The following PLD1 variants were observed in gnomAD, a reference collection of about 807,000 sequenced individuals.
PLD1 encodes the protein choline phosphatase 1.
PLD1 carries 112 observed loss-of-function variants against 137.1 expected under a neutral mutation model. The ratio of observed to expected loss-of-function variants is 0.82; its 90% CI spans 0.70 to 0.96. The LOEUF is 0.96. PLD1 is among the 40% of genes least tolerant of loss of function. The pLI, the probability that PLD1 is intolerant of heterozygous loss-of-function variation, is 0.00. For synonymous variants in PLD1, 431 were observed against 454.7 expected (o/e 0.95, Z 0.66); for missense variants, 1,321 against 1,342.0 (o/e 0.98, Z 0.24).
chr3:171,677,843 G>A, intron 16 of PLD1, 149 bp from the exon 17 acceptor site: 1 of 671,894 alleles, frequency 1.5e-6, no homozygotes, highest in Non-Finnish European at 2.4e-6. Flanking sequence ...TACAGGCTGT[G>A]GGCTAACAAG....
chr3:171,690,700 T>C (rs1715071259), intron 13 of PLD1, among the ~76,000 whole-genome samples: 2 of 152,318 alleles, frequency 1.3e-5, no homozygotes, highest in Admixed American at 6.5e-5. Context: ...GTCAGACAGA[T>C]GTTTGTATAT....
intron 1 of PLD1, among the ~76,000 whole-genome samples, chr3:171,780,155 C>T (rs1259765654): frequency 7.5e-6 from 1 of 132,898 alleles, no homozygotes; most frequent in Non-Finnish European, 1.5e-5. Flanking sequence ...AGATTCAGGA[C>T]TGGGGTTTAG....
rs1354808267 is a variant in PLD1 at position 171,600,551 on chromosome 3, AG to A, written c.*2526del. ...TTAAAGATAAATTATTTGAACTTCTAGTAGGTAGTAATGGTGTCAGAGAATG... is the reference window on the plus strand; with the variant it reads ...TTAAAGATAAATTATTTGAACTTCTATAGGTAGTAATGGTGTCAGAGAATG... On this transcript the variant is annotated 3_prime_UTR_variant, in exon 27 of 27. Transcript: ENST00000351298. 4.6e-5 allele frequency: 7 copies of A among 152,128 alleles called. No individual in the cohort carries two copies. The highest frequency in any genetic ancestry group is 1.7e-4 in the African/African-American group (7 of 41,438). The allele number at this position is 152,128 out of a possible 1,614,324, so 9.4% of individuals were successfully genotyped here.
chr3:171,602,875 T>C lies in PLD1; in HGVS notation c.*203A>G. 1.7e-6 allele frequency: 1 copy of C among 578,934 alleles called. No homozygotes were observed. The highest frequency in any genetic ancestry group is 3.0e-5 in the Admixed American group (1 of 32,860). 35.9% of individuals were successfully genotyped at this position (578,934 alleles called of 1,614,324 possible). A position where few individuals can be genotyped will look rare whatever the true frequency, so the allele number is the denominator to read the frequency against. ...AGAATGCAGCCCCCTTTTTACAAGT[T>C]AGGCAGAAGGAATTATAAAGTCTTG... On this transcript the variant is annotated 3_prime_UTR_variant, in exon 27 of 27. Transcript: ENST00000351298.
intron 1 of PLD1, among the ~76,000 whole-genome samples, chr3:171,774,846 T>C (rs1026554823): frequency 9.9e-5 from 15 of 152,084 alleles, no homozygotes; most frequent in Admixed American, 6.6e-4. Context: ...GCCAAGGAGT[T>C]CACTGAGGGA....
chr3:171,752,788 A>G (rs909914142), intron 1 of PLD1, among the ~76,000 whole-genome samples: 6 of 152,240 alleles, frequency 3.9e-5, no homozygotes, highest in African/African-American at 9.6e-5. Context: ...ATGCAACTCA[A>G]TTCAATTCAA....
chr3:171,720,197 G>A (rs749313713), intron 8 of PLD1, among the ~76,000 whole-genome samples: 1 of 151,376 alleles, frequency 6.6e-6, no homozygotes, highest in Non-Finnish European at 1.5e-5. Context: ...AGGGGGCTGA[G>A]GTGGGAGGAT....
At chr3:171,766,137 G>C (rs1721962112) in intron 1 of PLD1, among the ~76,000 whole-genome samples, 1 of 151,996 alleles carries the variant, frequency 6.6e-6, no homozygotes, top group African/African-American at 2.4e-5. Context: ...TTATAAAAAT[G>C]ATAAATTCTC....
intron 1 of PLD1, chr3:171,792,282 C>T: frequency 4.0e-6 from 1 of 251,894 alleles, no homozygotes; most frequent in Non-Finnish European, 7.9e-6. Context: ...TCTCACAGCC[C>T]AGCCACATAT....
chr3:171,730,859 G>A (rs947540729), intron 6 of PLD1, among the ~76,000 whole-genome samples: 6 of 152,098 alleles, frequency 3.9e-5, no homozygotes, highest in African/African-American at 1.4e-4. Flanking sequence ...GGCTGGTCTC[G>A]AACTCCTGAC....
At chr3:171,760,541 T>C (rs1177562175) in intron 1 of PLD1, among the ~76,000 whole-genome samples, 4 of 152,200 alleles carry the variant, frequency 2.6e-5, no homozygotes, top group African/African-American at 4.8e-5. Flanking sequence ...ACCTAGGATT[T>C]TACAATGATG....
chr3:171,799,337 TAAAAAAAA>T (rs758379833), intron 1 of PLD1, among the ~76,000 whole-genome samples: 184 of 57,902 alleles, frequency 3.2e-3, no homozygotes, highest in Middle Eastern at 0.03. Flanking sequence ...AGACTCCGTC[TAAAAAAAA>T]AAAAAAAAAA....
chr3:171,647,860 C>CCA (rs1736397489), intron 21 of PLD1, among the ~76,000 whole-genome samples: 1 of 151,940 alleles, frequency 6.6e-6, no homozygotes, highest in South Asian at 2.1e-4. Flanking sequence ...CGGTGACTAT[C>CCA]CAGTCATAAC....
At chr3:171,640,937 T>G (rs1435471552) in intron 23 of PLD1, among the ~76,000 whole-genome samples, 1 of 152,258 alleles carries the variant, frequency 6.6e-6, no homozygotes, top group Non-Finnish European at 1.5e-5. Context: ...GCTGATTGTT[T>G]TTGATAAATA....
chr3:171,716,327 A>G (rs1275296599), intron 8 of PLD1, among the ~76,000 whole-genome samples: 1 of 152,210 alleles, frequency 6.6e-6, no homozygotes, highest in Non-Finnish European at 1.5e-5. Flanking sequence ...GCTTTCCACA[A>G]TGGCTGAACT....
rs1560140741 is a variant in PLD1 at position 171,609,551 on chromosome 3, CA to C, written c.2882+2727del. 7.9e-4 allele frequency among the ~76,000 whole-genome samples: 111 copies of C among 141,188 alleles called. 1 individual carries two copies. Among genetic ancestry groups the C allele is most frequent in the African/African-American group, 2.6e-3 (87 of 33,594 alleles). 92.6% of individuals were successfully genotyped at this position (141,188 alleles called of 152,430 possible). A position where few individuals can be genotyped will look rare whatever the true frequency, so the allele number is the denominator to read the frequency against. On this transcript the variant is annotated intron_variant, in intron 25 of 26. Transcript: ENST00000351298. The stretch of plus-strand genomic sequence containing the variant: ...ACACACACACACACACACACACACA[CA>C]CACCAGAGAAAACTACTCAGCCATA...
chr3:171,771,973 C>A (rs1345790114), intron 1 of PLD1, among the ~76,000 whole-genome samples: 2 of 152,238 alleles, frequency 1.3e-5, no homozygotes, highest in Non-Finnish European at 2.9e-5. Context: ...TAAGCTAAGA[C>A]ACGTCTTTTA....
intron 1 of PLD1, among the ~76,000 whole-genome samples, chr3:171,756,487 A>C (rs1721037913): frequency 1.3e-5 from 2 of 152,234 alleles, no homozygotes; most frequent in African/African-American, 4.8e-5. Flanking sequence ...TGTCACATTT[A>C]AGAAGCAATG....
In PLD1 at chr3:171,603,115, G is replaced by C. The variant is rs762260694; in HGVS notation, c.3188C>G (p.Thr1063Ser). 6.2e-7 allele frequency: 1 copy of C among 1,613,948 alleles called. No homozygotes were observed. The highest frequency in any genetic ancestry group is 1.1e-5 in the South Asian group (1 of 91,070). ...CTCCATGGGCACTATGGCCTCTTTG[G>C]TCCCAACAGAAGGCAGTAGGCTTTC... Reference protein sequence around the residue: ...SEESLLPSVGTKEAIVPMEVW... With the variant: ...SEESLLPSVGSKEAIVPMEVW... The change falls in exon 27 of 27, where the codon ACC becomes AGC. Residue 1063 changes from threonine (T) to serine (S), a missense_variant. Coordinates refer to ENST00000351298, the MANE Select transcript of PLD1 (RefSeq NM_002662.5).
Sources: gnomAD v4.1 joint callset for allele counts (sites outside exome capture counted in the v4.1 genomes callset) on GRCh38, gnomAD v4.1.1 for gene constraint, MANE v1.5 for transcripts, NCBI Gene and HGNC (gene_info 2026-07-23, HGNC 2026-07-21) for gene names.